The following SHROOM3 variants were observed in gnomAD, a reference collection of about 807,000 sequenced individuals.
SHROOM3 encodes the protein protein Shroom3.
Under a neutral mutation model 138.6 loss-of-function variants are expected in SHROOM3, and 47 were observed. That is an observed-to-expected ratio of 0.34 (90% CI 0.27 to 0.43). SHROOM3 has a LOEUF of 0.43. SHROOM3 is among the 20% of genes least tolerant of loss of function. The pLI, the probability that SHROOM3 is intolerant of heterozygous loss-of-function variation, is 1.00. For missense variants in SHROOM3, 2,491 were observed against 2,596.5 expected (o/e 0.96, Z 0.88); for synonymous variants, 1,062 against 1,063.3 (o/e 1.00, Z 0.02).
At chr4:76,623,654 CT>C (rs1292234703) in intron 2 of SHROOM3, among the ~76,000 whole-genome samples, 6 of 152,272 alleles carry the variant, frequency 3.9e-5, no homozygotes, top group African/African-American at 1.2e-4. Flanking sequence ...TCCTAAAGCA[CT>C]TTTTTTCCCC....
intron 2 of SHROOM3, among the ~76,000 whole-genome samples, chr4:76,699,323 A>C (rs1325167472): frequency 6.6e-6 from 1 of 152,194 alleles, no homozygotes; most frequent in African/African-American, 2.4e-5. Flanking sequence ...TGATGTAGGT[A>C]CGCAGATCAT....
At position 76,754,975 on chromosome 4, in the gene SHROOM3, C is replaced by T; in HGVS notation, c.4492C>T (p.Pro1498Ser). ...ATCTGAGTCTGTCCTGCGGGACTCC[C>T]CGCCACCTCATGAGGATTATGAAGA... ...RISESVLRDSPPPHEDYEDEV... is the reference protein window; with the variant it reads ...RISESVLRDSSPPHEDYEDEV... The change falls in exon 7 of 11, where the codon CCG becomes TCG. Residue 1498 changes from proline to serine, a missense_variant. Coordinates refer to ENST00000296043, the MANE Select transcript of SHROOM3 (RefSeq NM_020859.4). 6.2e-7 allele frequency: 1 copy of T among 1,614,084 alleles called. No individual in the cohort carries two copies. The highest frequency in any genetic ancestry group is 8.5e-7 in the Non-Finnish European group (1 of 1,179,952).
intron 3 of SHROOM3, chr4:76,716,170 A>C (rs1029094535): frequency 1.8e-5 from 7 of 391,536 alleles, no homozygotes; most frequent in Non-Finnish European, 3.5e-5. Flanking sequence ...ATTGAATTTT[A>C]ATTGGCCAAT....
At position 76,517,620 on chromosome 4, in the gene SHROOM3, G is replaced by GGT. The variant is rs1194384076; in HGVS notation, c.169-37988_169-37987dup. On this transcript the variant is annotated intron_variant, in intron 1 of 10. Transcript: ENST00000296043. ...GCTTAGGGTTTTTGTTTGTTTGTTTGGTATATATATATATATATATAAAGG... is the reference window on the plus strand; with the variant it reads ...GCTTAGGGTTTTTGTTTGTTTGTTTGGTGTATATATATATATATATATAAAGG... 7.8e-5 allele frequency among the ~76,000 whole-genome samples: 7 copies of GGT among 89,540 alleles called. No individual in the cohort carries two copies. In the South Asian group the frequency reaches 1.8e-3, roughly 23 times the overall value. 58.7% of individuals were successfully genotyped at this position (89,540 alleles called of 152,430 possible). A position where few individuals can be genotyped will look rare whatever the true frequency, so the allele number is the denominator to read the frequency against.
chr4:76,521,987 G>A (rs1039569295), intron 1 of SHROOM3, among the ~76,000 whole-genome samples: 9 of 151,884 alleles, frequency 5.9e-5, no homozygotes, highest in South Asian at 2.1e-4. Flanking sequence ...CAATCTAATC[G>A]TGAGGAAACA....
chr4:76,636,609 G>A (rs1735502270), intron 2 of SHROOM3, among the ~76,000 whole-genome samples: 1 of 152,206 alleles, frequency 6.6e-6, no homozygotes, highest in Admixed American at 6.5e-5. Context: ...GTCACTATCT[G>A]TGTAGAATTT....
chr4:76,640,583 C>A (rs975073302), intron 2 of SHROOM3, among the ~76,000 whole-genome samples: 1 of 152,190 alleles, frequency 6.6e-6, no homozygotes, highest in Non-Finnish European at 1.5e-5. Flanking sequence ...TATTGAGGGA[C>A]CATAAAATCA....
At chr4:76,776,340 A>G (rs952723406) in intron 10 of SHROOM3, among the ~76,000 whole-genome samples, 1 of 152,030 alleles carries the variant, frequency 6.6e-6, no homozygotes. Context: ...TAGATTCTGG[A>G]TATTAGTTCT....
At chr4:76,777,376 T>G (rs1722602358) in intron 10 of SHROOM3, among the ~76,000 whole-genome samples, 1 of 152,184 alleles carries the variant, frequency 6.6e-6, no homozygotes, top group Admixed American at 6.5e-5. Context: ...AGTGGTTGAG[T>G]TCTTGATTTT....
At chr4:76,757,547 A>G (rs921024579) in intron 8 of SHROOM3, among the ~76,000 whole-genome samples, 4 of 152,200 alleles carry the variant, frequency 2.6e-5, no homozygotes, top group African/African-American at 7.2e-5. Context: ...AGGGCTTTGT[A>G]AGGAGGAGAG....
chr4:76,630,754 G>T (rs1278000530), intron 2 of SHROOM3, among the ~76,000 whole-genome samples: 1 of 152,204 alleles, frequency 6.6e-6, no homozygotes, highest in Non-Finnish European at 1.5e-5. Context: ...AATTGGAGAA[G>T]CCTGGAAAGA....
intron 2 of SHROOM3, among the ~76,000 whole-genome samples, chr4:76,690,437 G>GAGC (rs1413714070): frequency 1.3e-5 from 2 of 152,308 alleles, no homozygotes; most frequent in South Asian, 2.1e-4. Flanking sequence ...TCTGCACTGG[G>GAGC]AGCAAATGGG....
intron 10 of SHROOM3, among the ~76,000 whole-genome samples, chr4:76,775,321 G>GGTGTGTGTGTGTGT (rs57294282): frequency 0.019 from 2,776 of 149,180 alleles, 39 homozygotes; most frequent in African/African-American, 0.033. Flanking sequence ...TAGTCCATGG[G>GGTGTGTGTGTGTGT]GTGTGTGTGT....
chr4:76,735,859 AAAAAAAAAAATATATATATAT>A (rs1248126069), intron 4 of SHROOM3, among the ~76,000 whole-genome samples: 1,404 of 24,994 alleles, frequency 0.056, 11 homozygotes, highest in Non-Finnish European at 0.083. Context: ...AAAAAAAAAA[AAAAAAAAAAATATATATATAT>A]ATATATATAT....
At chr4:76,457,486 T>C (rs995063715) in intron 1 of SHROOM3, among the ~76,000 whole-genome samples, 1 of 151,918 alleles carries the variant, frequency 6.6e-6, no homozygotes, top group Non-Finnish European at 1.5e-5. Flanking sequence ...TAAACCTCTT[T>C]TCTTTATAAT....
At chr4:76,448,135 T>C (rs1227415789) in intron 1 of SHROOM3, among the ~76,000 whole-genome samples, 9 of 152,286 alleles carry the variant, frequency 5.9e-5, no homozygotes, top group East Asian at 1.9e-4. Flanking sequence ...TAGATTCTTT[T>C]ATTTATTATT....
intron 1 of SHROOM3, among the ~76,000 whole-genome samples, 193 bp from the exon 2 acceptor site, chr4:76,555,416 G>A (rs1181704480): frequency 1.3e-5 from 2 of 152,158 alleles, no homozygotes; most frequent in African/African-American, 4.8e-5. Context: ...CAGGGTGCTG[G>A]TTCTTGAGGG....
chr4:76,560,239 G>A (rs2110032252), intron 2 of SHROOM3, among the ~76,000 whole-genome samples: 1 of 152,306 alleles, frequency 6.6e-6, no homozygotes, highest in Non-Finnish European at 1.5e-5. Flanking sequence ...AAAGGAAAGG[G>A]TCTTCAGGTT....
At chr4:76,546,720 T>A (rs1051040458) in intron 1 of SHROOM3, among the ~76,000 whole-genome samples, 1 of 152,212 alleles carries the variant, frequency 6.6e-6, no homozygotes, top group African/African-American at 2.4e-5. Context: ...ATCGCACTTA[T>A]AGAGAGCATA....
Sources: allele counts gnomAD v4.1 joint callset (sites outside exome capture counted in the v4.1 genomes callset), GRCh38; gene constraint gnomAD v4.1.1; transcripts MANE v1.5; gene names NCBI Gene and HGNC (gene_info 2026-07-23, HGNC 2026-07-21).